Variants in PHACTR3 observed in about 807,000 individuals in gnomAD.
The protein encoded by PHACTR3 is protein phosphatase 1, regulatory subunit 123.
PHACTR3 carries 16 observed loss-of-function variants against 66.8 expected under a neutral mutation model. That is an observed-to-expected ratio of 0.24 (90% CI 0.16 to 0.36). The LOEUF (loss-of-function observed/expected upper bound fraction) is 0.36. Among genes scored for constraint, PHACTR3 ranks in the 10% least tolerant of loss-of-function variants. PHACTR3 has a pLI of 1.00. For synonymous variants in PHACTR3, 323 were observed against 292.1 expected, an observed-to-expected ratio of 1.11 and a Z score of -1.08; for missense variants, 647 against 719.9, an observed-to-expected ratio of 0.90 and a Z score of 1.16.
At chr20:59,585,355 G>A (rs935608626) in intron 1 of PHACTR3, among the ~76,000 whole-genome samples, 6 of 152,160 alleles carry the variant, frequency 3.9e-5, no homozygotes, top group Admixed American at 6.5e-5. Flanking sequence ...CACTGGGAGG[G>A]ACTCTCAGAT....
At chr20:59,818,982 C>T (rs184816099) in intron 8 of PHACTR3, among the ~76,000 whole-genome samples, 7 of 152,282 alleles carry the variant, frequency 4.6e-5, no homozygotes, top group African/African-American at 9.6e-5. Context: ...AGGAGACACT[C>T]GGGGAACTTG....
intron 1 of PHACTR3, among the ~76,000 whole-genome samples, chr20:59,619,379 C>G (rs1476768822): frequency 6.6e-6 from 1 of 152,056 alleles, no homozygotes; most frequent in Non-Finnish European, 1.5e-5. Context: ...ATGTGAGTGA[C>G]CTCTAGGAGC....
At chr20:59,676,508 G>C (rs1324158755) in intron 1 of PHACTR3, among the ~76,000 whole-genome samples, 1 of 146,254 alleles carries the variant, frequency 6.8e-6, no homozygotes, top group African/African-American at 2.5e-5. Context: ...TAAAAATGTT[G>C]ACAGATAATA....
chr20:59,730,226 GGT>G (rs1213989613), intron 1 of PHACTR3, among the ~76,000 whole-genome samples: 3 of 152,168 alleles, frequency 2.0e-5, no homozygotes, highest in African/African-American at 7.2e-5. Context: ...TGAAGGCCAT[GGT>G]GGAAAAATAA....
At chr20:59,670,607 G>GA (rs1291485924) in intron 1 of PHACTR3, among the ~76,000 whole-genome samples, 3 of 118,016 alleles carry the variant, frequency 2.5e-5, no homozygotes, top group African/African-American at 1.1e-4. Context: ...GCCGGGGGTG[G>GA]GGGGGGGGGG....
chr20:59,763,318 T>G (rs922038634), intron 4 of PHACTR3, among the ~76,000 whole-genome samples: 6 of 152,224 alleles, frequency 3.9e-5, no homozygotes, highest in African/African-American at 1.4e-4. Context: ...GTGAGCCAAT[T>G]AAACCTCTTT....
chr20:59,775,425 G>A (rs1038286533), intron 7 of PHACTR3, among the ~76,000 whole-genome samples: 2 of 152,188 alleles, frequency 1.3e-5, no homozygotes, highest in Non-Finnish European at 2.9e-5. Flanking sequence ...TCAGATGTCG[G>A]TGCTGACCCT....
At chr20:59,800,237 C>T (rs1428270733) in intron 7 of PHACTR3, among the ~76,000 whole-genome samples, 1 of 152,098 alleles carries the variant, frequency 6.6e-6, no homozygotes, top group East Asian at 1.9e-4. Flanking sequence ...CTTGTGGTTA[C>T]CATTTCTATT....
intron 1 of PHACTR3, among the ~76,000 whole-genome samples, chr20:59,699,292 C>T (rs750424672): frequency 1.3e-5 from 2 of 152,076 alleles, no homozygotes; most frequent in Non-Finnish European, 2.9e-5. Context: ...GATTTGGGGC[C>T]CAGAGCTACA....
chr20:59,589,248 C>T (rs911630866), intron 1 of PHACTR3, among the ~76,000 whole-genome samples: 4 of 152,188 alleles, frequency 2.6e-5, no homozygotes, highest in African/African-American at 4.8e-5. Flanking sequence ...TATCTCAGGG[C>T]GAAGGCCGGT....
intron 7 of PHACTR3, among the ~76,000 whole-genome samples, chr20:59,791,587 CTTTTT>C (rs1326095136): frequency 1.3e-5 from 2 of 151,114 alleles, no homozygotes; most frequent in African/African-American, 4.9e-5. Flanking sequence ...GAGCACTTTT[CTTTTT>C]TCTTTTTTTT....
chr20:59,727,708 G>A (rs1192813843), intron 1 of PHACTR3, among the ~76,000 whole-genome samples: 1 of 152,158 alleles, frequency 6.6e-6, no homozygotes, highest in East Asian at 1.9e-4. Context: ...TTTTAAGTCT[G>A]AAATGCTCTG....
upstream of PHACTR3, among the ~76,000 whole-genome samples, chr20:59,601,582 A>G (rs991130453): frequency 2.6e-5 from 4 of 152,226 alleles, no homozygotes; most frequent in Non-Finnish European, 5.9e-5. Context: ...CTTGGGGACC[A>G]GATCCTCACA....
intron 7 of PHACTR3, among the ~76,000 whole-genome samples, chr20:59,796,923 G>A (rs868095611): frequency 4.6e-5 from 7 of 152,152 alleles, no homozygotes; most frequent in African/African-American, 1.7e-4. Context: ...TTCACCTGTA[G>A]TTTTGTTAAA....
chr20:59,651,229 A>C (rs1350354352), intron 1 of PHACTR3, among the ~76,000 whole-genome samples: 2 of 152,192 alleles, frequency 1.3e-5, no homozygotes, highest in African/African-American at 2.4e-5. Context: ...TCTAAAGTAA[A>C]AAATGTAAAT....
At chr20:59,586,402 C>T (rs761661932) in intron 1 of PHACTR3, among the ~76,000 whole-genome samples, 2 of 152,226 alleles carry the variant, frequency 1.3e-5, no homozygotes, top group Non-Finnish European at 2.9e-5. Context: ...CACTCTAATT[C>T]CAGTAACAAG....
rs112883518 is a variant in PHACTR3, at chr20:59,587,841, T to C, written c.109+10224T>C. ...CTGCCTTCCCTGGCTCACGTCTACC[T>C]TCAAGGCCAGCAAGGGTGGCTGAAT... On this transcript the variant is annotated intron_variant, in intron 1 of 12. Coordinates refer to the PHACTR3 transcript ENST00000359926. Among the ~76,000 whole-genome samples, 259 of 152,322 alleles carry C rather than the reference T, an allele frequency of 1.7e-3. 3 individuals are homozygous for C. The highest frequency in any genetic ancestry group is 6.0e-3 in the African/African-American group (250 of 41,576).
intron 1 of PHACTR3, among the ~76,000 whole-genome samples, chr20:59,674,248 G>A (rs2036296660): frequency 6.7e-6 from 1 of 149,898 alleles, no homozygotes; most frequent in Non-Finnish European, 1.5e-5. Context: ...CAGAGACCCT[G>A]AATGTGGACT....
At chr20:59,667,357 G>T (rs2036027632) in intron 1 of PHACTR3, among the ~76,000 whole-genome samples, 1 of 152,244 alleles carries the variant, frequency 6.6e-6, no homozygotes, top group Non-Finnish European at 1.5e-5. Flanking sequence ...GGGCTGCTTT[G>T]CCACAGGGCA....
Sources: allele counts gnomAD v4.1 joint callset (sites outside exome capture counted in the v4.1 genomes callset), GRCh38; gene constraint gnomAD v4.1.1; transcripts MANE v1.5; gene names NCBI Gene and HGNC (gene_info 2026-07-23, HGNC 2026-07-21).